The following TBC1D30 variants were observed in gnomAD, a reference collection of about 807,000 sequenced individuals.
TBC1D30 encodes TBC1 domain family, member 30.
In TBC1D30, 31 loss-of-function variants were observed where a neutral mutation model predicts 63.2. The ratio of observed to expected loss-of-function variants is 0.49; its 90% CI spans 0.37 to 0.66. The LOEUF is 0.66. Among genes scored for constraint, TBC1D30 ranks in the 30% least tolerant of loss-of-function variants. The pLI, the probability that TBC1D30 is intolerant of heterozygous loss-of-function variation, is 0.00. For synonymous variants in TBC1D30, 307 were observed against 361.5 expected (o/e 0.85, Z 1.71); for missense variants, 810 against 953.6 (o/e 0.85, Z 1.98).
At chr12:64,807,931 T>TTTTTTTTTTTTTC (rs1872978927) in intron 2 of TBC1D30, among the ~76,000 whole-genome samples, 1 of 146,114 alleles carries the variant, frequency 6.8e-6, no homozygotes, top group East Asian at 2.0e-4. Flanking sequence ...TTTTTTTTTT[T>TTTTTTTTTTTTTC]TTTTGTAGAG....
chr12:64,786,950 A>T (rs187665671), intron 2 of TBC1D30, among the ~76,000 whole-genome samples: 52 of 152,014 alleles, frequency 3.4e-4, no homozygotes, highest in African/African-American at 9.4e-4. Flanking sequence ...TCTCAAAAAA[A>T]AAATAAATAA....
rs73325463 is a variant in TBC1D30 at position 64,832,721 on chromosome 12, A to G, written c.594+417A>G. 6.5e-4 allele frequency among the ~76,000 whole-genome samples: 99 copies of G among 152,260 alleles called. 2 individuals are homozygous for G. Among genetic ancestry groups the G allele is most frequent in the African/African-American group, 2.1e-3 (89 of 41,562 alleles). On this transcript the variant is annotated intron_variant, in intron 5 of 11. Coordinates refer to ENST00000539867, the MANE Select transcript of TBC1D30 (RefSeq NM_015279.2). ...TGTTGCGATCTCATCTGAAGGCTCA[A>G]TTGGGGGTGGGCATTGGCTTTCGAG...
At chr12:64,796,520 A>G (rs1005949754) in intron 2 of TBC1D30, among the ~76,000 whole-genome samples, 3 of 152,202 alleles carry the variant, frequency 2.0e-5, no homozygotes, top group Admixed American at 6.5e-5. Context: ...TTTAAGACTA[A>G]AAATGATACA....
chr12:64,838,971 C>T, intron 7 of TBC1D30, 120 bp downstream of exon 7: 1 of 981,410 alleles, frequency 1.0e-6, no homozygotes, highest in South Asian at 1.8e-5. Flanking sequence ...TTTAAAATTG[C>T]TTTAGCCTCC....
rs560712857 is a variant in TBC1D30 at position 64,854,713 on chromosome 12, T to G, written c.1039-9955T>G. On this transcript the variant is annotated intron_variant, in intron 8 of 11. Transcript: ENST00000539867. Reference sequence around the variant, plus strand: ...GGTTTCACCGTGTTAGCCAGGATGGTCTCGCTCTCCTGACCTTGTGATCCA... The same window carrying G: ...GGTTTCACCGTGTTAGCCAGGATGGGCTCGCTCTCCTGACCTTGTGATCCA... 1.7e-3 allele frequency among the ~76,000 whole-genome samples: 259 copies of G among 152,278 alleles called. 1 individual carries two copies. Among genetic ancestry groups the G allele is most frequent in the Middle Eastern group, 3.4e-3 (1 of 294 alleles).
chr12:64,814,445 A>G (rs1297691139), intron 2 of TBC1D30, among the ~76,000 whole-genome samples: 1 of 152,222 alleles, frequency 6.6e-6, no homozygotes, highest in Non-Finnish European at 1.5e-5. Context: ...CTGGGAGCCT[A>G]GTTTGTATCA....
intron 9 of TBC1D30, among the ~76,000 whole-genome samples, chr12:64,865,506 A>G (rs1462302713): frequency 1.3e-5 from 2 of 152,046 alleles, no homozygotes; most frequent in Non-Finnish European, 2.9e-5. Flanking sequence ...TTAACTTACT[A>G]TGCAAAATAG....
At chr12:64,842,683 A>G (rs541591053) in intron 7 of TBC1D30, among the ~76,000 whole-genome samples, 1 of 152,312 alleles carries the variant, frequency 6.6e-6, no homozygotes, top group Admixed American at 6.5e-5. Context: ...CTATTATATT[A>G]ATGATATCAC....
chr12:64,863,252 C>A (rs1050222942), intron 8 of TBC1D30, among the ~76,000 whole-genome samples: 1 of 152,186 alleles, frequency 6.6e-6, no homozygotes, highest in East Asian at 1.9e-4. Context: ...TGATCTTATT[C>A]CCATCTCTCC....
At chr12:64,820,095 C>G, upstream of TBC1D30, among the ~76,000 whole-genome samples, 1 of 152,126 alleles carries the variant, frequency 6.6e-6, no homozygotes, top group Non-Finnish European at 1.5e-5. Context: ...AGGGCCTTTT[C>G]TCTTGGTAAT....
At chr12:64,868,466 A>G (rs1370276018) in intron 10 of TBC1D30, 1 of 241,526 alleles carries the variant, frequency 4.1e-6, no homozygotes. Flanking sequence ...AGAAGTTGCC[A>G]GCTTTTCTTG....
At chr12:64,833,372 T>C (rs961517151) in intron 5 of TBC1D30, among the ~76,000 whole-genome samples, 2 of 152,228 alleles carry the variant, frequency 1.3e-5, no homozygotes, top group Admixed American at 1.3e-4. Context: ...AGAGTGCTTA[T>C]GAGAAATGAA....
Position 64,875,407 on chromosome 12 carries a change from G to C in TBC1D30, c.1905G>C (p.Gly635=), listed in dbSNP as rs548772476. ...GCAGTACCAGGAGGACGATCGAGGGGCAGTCTCCGGAGCCGGTGTTCGGAG... is the reference window on the plus strand; with the variant it reads ...GCAGTACCAGGAGGACGATCGAGGGCCAGTCTCCGGAGCCGGTGTTCGGAG... ...PEGSTRRTIE[G]QSPEPVFGDA... Residue 635 remains glycine (G), a synonymous_variant, in exon 12 of 12, where the codon GGG becomes GGC. Transcript: ENST00000539867. 1.5e-5 allele frequency: 23 copies of C among 1,536,216 alleles called. No individual in the cohort carries two copies. The African/African-American group carries it at 2.3e-4, about 16-fold the overall frequency.
At position 64,835,039 on chromosome 12, in the gene TBC1D30, G is replaced by T. The variant is rs567898447; in HGVS notation, c.595-1451G>T. On this transcript the variant is annotated intron_variant, in intron 5 of 11. Transcript: ENST00000539867. ...TAAATTCCTCTAATCCTGATCCATA[G>T]AGTGCTAGGTTCCTGCAAGGGTACT... Among the ~76,000 whole-genome samples, 34 of 152,116 alleles carry T rather than the reference G, an allele frequency of 2.2e-4. No individual in the cohort carries two copies. The South Asian group carries it at 5.2e-3, about 23-fold the overall frequency.
At position 64,813,386 on chromosome 12, in the gene TBC1D30, TAACAAC is replaced by T. The variant is rs201967839; in HGVS notation, c.644-14425_644-14420del. 2.7e-4 allele frequency among the ~76,000 whole-genome samples: 41 copies of T among 151,456 alleles called. 1 individual carries two copies. Among genetic ancestry groups the T allele is most frequent in the Middle Eastern group, 3.4e-3 (1 of 294 alleles). On this transcript the variant is annotated intron_variant, in intron 2 of 12. Transcript: ENST00000542120. ...GCCTGGGCGACAGAGCAAGAGTCCA[TAACAAC>T]AACAACAACAACAACAACAACAAAA...
At chr12:64,831,579 T>G (rs1308951305) in intron 4 of TBC1D30, among the ~76,000 whole-genome samples, 2 of 152,242 alleles carry the variant, frequency 1.3e-5, no homozygotes, top group Non-Finnish European at 2.9e-5. Context: ...CATTAAAGCA[T>G]AGCAAATATT....
At chr12:64,774,445 C>T (rs1472991915) in intron 1 of TBC1D30, among the ~76,000 whole-genome samples, 1 of 152,080 alleles carries the variant, frequency 6.6e-6, no homozygotes, top group Non-Finnish European at 1.5e-5. Context: ...CAGAGAACCC[C>T]AGTAAGATAC....
intron 2 of TBC1D30, among the ~76,000 whole-genome samples, chr12:64,790,091 A>G (rs994716019): frequency 6.6e-6 from 1 of 152,230 alleles, no homozygotes; most frequent in Non-Finnish European, 1.5e-5. Flanking sequence ...AGAGGGTTCT[A>G]CTTTTTCTTA....
At chr12:64,760,624 C>T (rs185398824) in intron 1 of TBC1D30, among the ~76,000 whole-genome samples, 435 of 152,096 alleles carry the variant, frequency 2.9e-3, no homozygotes, top group Admixed American at 4.5e-3. Context: ...CATCCCCAGA[C>T]CGATATAACA....
Sources: allele counts gnomAD v4.1 joint callset (sites outside exome capture counted in the v4.1 genomes callset), GRCh38; gene constraint gnomAD v4.1.1; transcripts MANE v1.5; gene names NCBI Gene and HGNC (gene_info 2026-07-23, HGNC 2026-07-21).